Variants in MAGI1 observed in about 807,000 individuals in gnomAD.
MAGI1 encodes membrane-associated guanylate kinase, WW and PDZ domain-containing protein 1.
In MAGI1, 58 loss-of-function variants were observed where a neutral mutation model predicts 139.9. The observed-to-expected ratio is 0.41, with a 90% confidence interval of 0.34 to 0.52. The LOEUF is 0.52. Ranked by LOEUF, MAGI1 falls within the 20% of genes least tolerant of loss-of-function variation. The probability of loss-of-function intolerance (pLI) is 0.12; values close to 1 mark genes in which losing one functional copy is unlikely to be tolerated. For synonymous variants in MAGI1, 812 were observed against 737.9 expected (o/e 1.10, Z -1.63); for missense variants, 1,874 against 1,901.6 (o/e 0.99, Z 0.27).
chr3:65,883,778 T>C (rs1347814704), intron 1 of MAGI1, among the ~76,000 whole-genome samples: 2 of 152,276 alleles, frequency 1.3e-5, no homozygotes, highest in Middle Eastern at 3.4e-3. Flanking sequence ...GGAGAAACAA[T>C]GGCTGCAGCA....
intron 1 of MAGI1, among the ~76,000 whole-genome samples, chr3:65,911,471 T>C (rs1445762303): frequency 1.3e-5 from 2 of 152,166 alleles, no homozygotes; most frequent in Admixed American, 1.3e-4. Flanking sequence ...TCCTGTAAAC[T>C]GCTCCATGTA....
rs147568680 is a variant in MAGI1 at position 65,883,250 on chromosome 3, T to A, written c.313+154746A>T. Among the ~76,000 whole-genome samples the A allele has an allele frequency of 1.6e-4, 24 of 152,306 alleles. No individual in the cohort carries two copies. In the East Asian group the frequency reaches 4.1e-3, roughly 26 times the overall value. On this transcript the variant is annotated intron_variant, in intron 1 of 22. Coordinates refer to ENST00000402939, the MANE Select transcript of MAGI1 (RefSeq NM_001033057.2). Reference sequence around the variant, plus strand: ...ATAAAAAAGGATTCAGGCATTTTACTACACAACAGTTATTGAAGTTGGATT... The same window carrying A: ...ATAAAAAAGGATTCAGGCATTTTACAACACAACAGTTATTGAAGTTGGATT...
intron 12 of MAGI1, among the ~76,000 whole-genome samples, chr3:65,423,161 A>G (rs1351576963): frequency 6.6e-6 from 1 of 152,108 alleles, no homozygotes. Flanking sequence ...TCTATACACA[A>G]CCTGAATTCC....
intron 1 of MAGI1, among the ~76,000 whole-genome samples, chr3:65,788,174 G>C (rs1400820807): frequency 1.3e-5 from 2 of 152,216 alleles, no homozygotes; most frequent in African/African-American, 4.8e-5. Flanking sequence ...AAAAGCCCAT[G>C]AGGGCAGGAC....
chr3:65,829,560 T>C (rs1205399732), intron 1 of MAGI1, among the ~76,000 whole-genome samples: 1 of 152,188 alleles, frequency 6.6e-6, no homozygotes, highest in Non-Finnish European at 1.5e-5. Flanking sequence ...ACTTCCCAGC[T>C]CCCAGAAGTG....
At chr3:65,663,647 G>C (rs562197427) in intron 1 of MAGI1, among the ~76,000 whole-genome samples, 1 of 152,310 alleles carries the variant, frequency 6.6e-6, no homozygotes, top group Non-Finnish European at 1.5e-5. Flanking sequence ...TCAGGACAGT[G>C]AGCAAGCCAC....
intron 1 of MAGI1, among the ~76,000 whole-genome samples, chr3:65,883,967 G>A (rs1315413589): frequency 6.6e-6 from 1 of 152,106 alleles, no homozygotes; most frequent in African/African-American, 2.4e-5. Flanking sequence ...AATTCTTTCT[G>A]AATCATTCCC....
At chr3:65,500,820 G>C (rs1043424197) in intron 2 of MAGI1, among the ~76,000 whole-genome samples, 1 of 152,080 alleles carries the variant, frequency 6.6e-6, no homozygotes, top group Non-Finnish European at 1.5e-5. Context: ...AATTAATCAG[G>C]GTCCTGCTTG....
At chr3:65,563,042 T>G (rs2080436240) in intron 2 of MAGI1, among the ~76,000 whole-genome samples, 1 of 152,164 alleles carries the variant, frequency 6.6e-6, no homozygotes, top group Non-Finnish European at 1.5e-5. Flanking sequence ...GCAAACCAAT[T>G]TGAGTGCTTT....
intron 3 of MAGI1, among the ~76,000 whole-genome samples, chr3:65,486,148 C>T (rs1335540330): frequency 6.6e-6 from 1 of 152,182 alleles, no homozygotes; most frequent in African/African-American, 2.4e-5. Context: ...AAAAATTATA[C>T]CATTGGCAGC....
chr3:65,570,077 A>C (rs2080880682), intron 2 of MAGI1, among the ~76,000 whole-genome samples: 1 of 6,176 alleles, frequency 1.6e-4, no homozygotes, highest in Non-Finnish European at 8.4e-4. Flanking sequence ...TATTATCATT[A>C]TTATTATTAT....
intron 1 of MAGI1, among the ~76,000 whole-genome samples, chr3:65,697,238 T>C (rs902758194): frequency 5.9e-5 from 9 of 152,120 alleles, no homozygotes; most frequent in Non-Finnish European, 1.2e-4. Flanking sequence ...ATCAATAGTT[T>C]ATCAACCAAA....
intron 2 of MAGI1, among the ~76,000 whole-genome samples, chr3:65,569,749 C>T (rs1334125919): frequency 2.6e-5 from 4 of 151,750 alleles, no homozygotes; most frequent in African/African-American, 4.8e-5. Flanking sequence ...TGATGGCATG[C>T]GCCTGTAGTC....
At chr3:65,597,260 C>T (rs2082255068) in intron 2 of MAGI1, among the ~76,000 whole-genome samples, 1 of 148,386 alleles carries the variant, frequency 6.7e-6, no homozygotes, top group Non-Finnish European at 1.5e-5. Flanking sequence ...CGGCCCCCTC[C>T]CCCTCCCACC....
intron 2 of MAGI1, among the ~76,000 whole-genome samples, chr3:65,592,633 A>G (rs976288958): frequency 6.6e-6 from 1 of 151,900 alleles, no homozygotes; most frequent in Non-Finnish European, 1.5e-5. Flanking sequence ...AGCTATGTGC[A>G]TATATATATT....
At chr3:65,500,913 A>C (rs2077056039) in intron 2 of MAGI1, among the ~76,000 whole-genome samples, 1 of 152,186 alleles carries the variant, frequency 6.6e-6, no homozygotes, top group Admixed American at 6.5e-5. Flanking sequence ...TCCTATTCTA[A>C]CACAATCATT....
At chr3:65,462,070 C>A (rs1160175714) in intron 5 of MAGI1, among the ~76,000 whole-genome samples, 1 of 152,076 alleles carries the variant, frequency 6.6e-6, no homozygotes, top group Admixed American at 6.5e-5. Flanking sequence ...CTGTAGGTTG[C>A]CCATTCACTA....
At chr3:65,578,941 G>C (rs1006930421) in intron 2 of MAGI1, among the ~76,000 whole-genome samples, 1 of 150,986 alleles carries the variant, frequency 6.6e-6, no homozygotes, top group African/African-American at 2.4e-5. Context: ...GAGAGAGAGA[G>C]AGAGACAGAG....
chr3:65,369,035 A>C (rs1941721397), intron 18 of MAGI1, among the ~76,000 whole-genome samples: 1 of 152,156 alleles, frequency 6.6e-6, no homozygotes. Context: ...CAGATTCAGT[A>C]AGTTCAGCTA....
Sources: allele counts gnomAD v4.1 joint callset (sites outside exome capture counted in the v4.1 genomes callset), GRCh38; gene constraint gnomAD v4.1.1; transcripts MANE v1.5; gene names NCBI Gene and HGNC (gene_info 2026-07-23, HGNC 2026-07-21).